Variants in ADAMTS12 observed in about 807,000 individuals in gnomAD.
ADAMTS12 encodes the protein A disintegrin and metalloproteinase with thrombospondin motifs 12.
ADAMTS12 carries 118 observed loss-of-function variants against 167.8 expected under a neutral mutation model. The ratio of observed to expected loss-of-function variants is 0.70; its 90% confidence interval spans 0.61 to 0.82. The LOEUF (loss-of-function observed/expected upper bound fraction) is 0.82, where lower values mean the gene tolerates loss of function less well. Ranked by LOEUF, ADAMTS12 falls within the 40% of genes least tolerant of loss-of-function variation. The pLI, the probability that ADAMTS12 is intolerant of heterozygous loss-of-function variation, is 0.00. For missense variants in ADAMTS12, 1,916 were observed against 1,998.8 expected (o/e 0.96, Z 0.79); for synonymous variants, 704 against 716.9 (o/e 0.98, Z 0.29).
chr5:33,580,911 C>T (rs550232009), intron 18 of ADAMTS12, among the ~76,000 whole-genome samples: 1 of 152,280 alleles, frequency 6.6e-6, no homozygotes, highest in South Asian at 2.1e-4. Flanking sequence ...CCTCAGTGCA[C>T]CAACCTTCCA....
At chr5:33,665,276 C>A (rs999707470) in intron 5 of ADAMTS12, among the ~76,000 whole-genome samples, 4 of 152,080 alleles carry the variant, frequency 2.6e-5, no homozygotes, top group African/African-American at 7.2e-5. Context: ...TTCAAAATTT[C>A]AGTTTAGATA....
At chr5:33,783,393 A>C (rs1344742883) in intron 2 of ADAMTS12, among the ~76,000 whole-genome samples, 2 of 151,836 alleles carry the variant, frequency 1.3e-5, no homozygotes, top group Non-Finnish European at 2.9e-5. Context: ...ATTAAAAATT[A>C]ATTAAGTACA....
chr5:33,744,998 G>T (rs1744728802), intron 3 of ADAMTS12, among the ~76,000 whole-genome samples: 1 of 151,952 alleles, frequency 6.6e-6, no homozygotes, highest in Non-Finnish European at 1.5e-5. Flanking sequence ...AAATTTTTTT[G>T]GTAAAGATGA....
rs778795355 is a variant in ADAMTS12 at position 33,576,407 on chromosome 5, C to CT, written c.3618_3619insA (p.Glu1207ArgfsTer31). 5 of 1,613,828 alleles carry CT rather than the reference C, an allele frequency of 3.1e-6. No individual in the cohort carries two copies. The highest frequency in any genetic ancestry group is 4.2e-6 in the Non-Finnish European group (5 of 1,179,858). ...GTGCTGAAGGGTGGCCACCAGGACT[C>CT]CCTGCTGAGATCTGGTGTTAGTGGA... On this transcript the variant is annotated frameshift_variant, in exon 19 of 24. Coordinates refer to ENST00000504830, the MANE Select transcript of ADAMTS12 (RefSeq NM_030955.4). LOFTEE classifies it high-confidence loss of function.
intron 2 of ADAMTS12, among the ~76,000 whole-genome samples, chr5:33,869,400 A>C (rs6451030): frequency 0.32 from 48,868 of 151,776 alleles, 8,293 homozygotes; most frequent in African/African-American, 0.43. Context: ...AGTCTGCTGC[A>C]GGGGTAGAGC....
chr5:33,612,130 A>C (rs140903859), intron 16 of ADAMTS12, among the ~76,000 whole-genome samples: 180 of 152,342 alleles, frequency 1.2e-3, no homozygotes, highest in Non-Finnish European at 2.3e-3. Context: ...ATTACAGTAG[A>C]TATGCTGCTG....
intron 5 of ADAMTS12, among the ~76,000 whole-genome samples, chr5:33,664,094 CA>C (rs1427810995): frequency 3.0e-4 from 46 of 152,152 alleles, no homozygotes; most frequent in Admixed American, 3.0e-3. Context: ...GCTATGAATG[CA>C]TAGCTTTACC....
intron 21 of ADAMTS12, among the ~76,000 whole-genome samples, chr5:33,548,957 G>C (rs1374737827): frequency 1.3e-5 from 2 of 152,136 alleles, no homozygotes; most frequent in Admixed American, 1.3e-4. Flanking sequence ...TGGGAGACCA[G>C]GTTGCAACAC....
chr5:33,836,010 T>G (rs1307222386), intron 2 of ADAMTS12, among the ~76,000 whole-genome samples: 2 of 149,576 alleles, frequency 1.3e-5, no homozygotes, highest in East Asian at 4.0e-4. Flanking sequence ...ATAAGGGAAA[T>G]AGGCAACATA....
intron 3 of ADAMTS12, among the ~76,000 whole-genome samples, chr5:33,735,272 G>C (rs990317794): frequency 6.6e-6 from 1 of 152,124 alleles, no homozygotes; most frequent in Non-Finnish European, 1.5e-5. Context: ...ATAAAGCTAG[G>C]GTGGGTCCTG....
intron 7 of ADAMTS12, among the ~76,000 whole-genome samples, chr5:33,653,875 G>T (rs181267482): frequency 3.9e-5 from 6 of 152,214 alleles, no homozygotes; most frequent in Admixed American, 3.3e-4. Flanking sequence ...TCAGCCATTT[G>T]TTCTCTGAGC....
At chr5:33,619,245 G>C (rs918783334) in intron 14 of ADAMTS12, among the ~76,000 whole-genome samples, 2 of 152,176 alleles carry the variant, frequency 1.3e-5, no homozygotes, top group Non-Finnish European at 2.9e-5. Flanking sequence ...CTGGCAGCTT[G>C]TGTTTATCTT....
In ADAMTS12 at chr5:33,526,926, C is replaced by T; in HGVS notation, c.*262G>A. 2.2e-6 allele frequency: 1 copy of T among 446,140 alleles called. No individual in the cohort carries two copies. The highest frequency in any genetic ancestry group is 4.0e-6 in the Non-Finnish European group (1 of 250,044). The allele number at this position is 446,140 out of a possible 1,614,324, so 27.6% of individuals were successfully genotyped here. A position where few individuals can be genotyped will look rare whatever the true frequency, so the allele number is the denominator to read the frequency against. On this transcript the variant is annotated 3_prime_UTR_variant, in exon 24 of 24. Transcript: ENST00000504830. ...TTCACAAATCTGTCTAACCTGGCAC[C>T]TTTCCCAGGAGCCGATACCAGGTGC...
In ADAMTS12 at chr5:33,576,302, C is replaced by T. The variant is rs774886665; in HGVS notation, c.3724G>A (p.Glu1242Lys). The T allele has an allele frequency of 1.2e-6, 2 of 1,614,166 alleles. No individual in the cohort carries two copies. The highest frequency in any genetic ancestry group is 2.2e-5 in the South Asian group (2 of 91,084). ...GTPRVEGMVT[E>K]KPANTLLPLG... Reference sequence around the variant, plus strand: ...GGGAGCAGAGTGTTGGCTGGCTTTTCAGTAACCATCCCCTCAACTCTGGGT... The same window carrying T: ...GGGAGCAGAGTGTTGGCTGGCTTTTTAGTAACCATCCCCTCAACTCTGGGT... The change falls in exon 19 of 24, where the codon GAA becomes AAA. Residue 1242 changes from glutamate to lysine, a missense_variant. By Grantham distance (56) the Glu-to-Lys change is moderately conservative. Coordinates refer to ENST00000504830, the MANE Select transcript of ADAMTS12 (RefSeq NM_030955.4).
intron 18 of ADAMTS12, among the ~76,000 whole-genome samples, chr5:33,583,477 A>T (rs1357091779): frequency 6.6e-6 from 1 of 152,148 alleles, no homozygotes; most frequent in African/African-American, 2.4e-5. Context: ...TCCCTTTGAT[A>T]GACTGGTTTC....
chr5:33,821,315 C>T (rs1380306334), intron 2 of ADAMTS12, among the ~76,000 whole-genome samples: 2 of 152,070 alleles, frequency 1.3e-5, no homozygotes, highest in East Asian at 3.8e-4. Context: ...AAATAATCTT[C>T]CCAAGTACTG....
At position 33,596,024 on chromosome 5, in the gene ADAMTS12, C is replaced by T. The variant is rs770248742; in HGVS notation, c.2564G>A (p.Gly855Asp). ...RRQTAHCIKK[G>D]RGMVKATFCD... ...GAATGTAGCTTTCACCATCCCGCGG[C>T]CCTTCTTTATGCAATGGGCAGTTTG... The change falls in exon 17 of 24, where the codon GGC becomes GAC. Residue 855 changes from glycine to aspartate, a missense_variant. Gly to Asp is a moderately conservative substitution (Grantham distance 94). Transcript: ENST00000504830. 6.2e-7 allele frequency: 1 copy of T among 1,613,938 alleles called. No individual in the cohort carries two copies. The highest frequency in any genetic ancestry group is 1.3e-5 in the African/African-American group (1 of 74,884).
intron 3 of ADAMTS12, among the ~76,000 whole-genome samples, chr5:33,721,812 G>C (rs1743816380): frequency 6.6e-6 from 1 of 152,194 alleles, no homozygotes; most frequent in South Asian, 2.1e-4. Flanking sequence ...TTTTTGCTGA[G>C]AGTGACACCC....
intron 9 of ADAMTS12, among the ~76,000 whole-genome samples, chr5:33,645,144 TTTATTA>T (rs145012036): frequency 0.012 from 1,732 of 146,036 alleles, 22 homozygotes; most frequent in African/African-American, 0.034. Context: ...AAATGCTTTA[TTTATTA>T]TTATTATTAT....
Sources: gnomAD v4.1 joint callset for allele counts (sites outside exome capture counted in the v4.1 genomes callset) on GRCh38, gnomAD v4.1.1 for gene constraint, MANE v1.5 for transcripts, NCBI Gene and HGNC (gene_info 2026-07-23, HGNC 2026-07-21) for gene names.